The following DDX10 variants were observed in gnomAD, a reference collection of about 807,000 sequenced individuals.
The protein encoded by DDX10 is DEAD-box helicase 10, also known as probable ATP-dependent RNA helicase DDX10.
DDX10 carries 74 observed loss-of-function variants against 104.3 expected under a neutral mutation model. That is an observed-to-expected ratio of 0.71 (90% CI 0.59 to 0.86). The LOEUF (loss-of-function observed/expected upper bound fraction) is 0.86. DDX10 is among the 40% of genes least tolerant of loss of function. DDX10 has a pLI of 0.00. For synonymous variants in DDX10, 351 were observed against 353.4 expected (o/e 0.99, Z 0.08); for missense variants, 952 against 1,040.0 (o/e 0.92, Z 1.16).
chr11:108,758,765 C>G (rs1184746101), intron 13 of DDX10, among the ~76,000 whole-genome samples: 2 of 152,048 alleles, frequency 1.3e-5, no homozygotes, highest in African/African-American at 4.8e-5. Flanking sequence ...CTTTTGATTA[C>G]ATTGGACTCA....
intron 16 of DDX10, among the ~76,000 whole-genome samples, chr11:108,906,272 A>G (rs994713595): frequency 1.3e-5 from 2 of 152,084 alleles, no homozygotes; most frequent in Non-Finnish European, 2.9e-5. Flanking sequence ...AATATTTTAT[A>G]TTTTTCTAGT....
chr11:108,715,959 C>G lies in DDX10; in HGVS notation c.1403C>G (p.Ala468Gly). The change falls in exon 11 of 18, where the codon GCT becomes GGT. Residue 468 changes from alanine to glycine, a missense_variant. Physicochemically the swap from Ala to Gly is moderately conservative, Grantham distance 60. Around this residue, in one of 3 missense-constraint regions of DDX10, gnomAD observed 533 missense variants for 534.1 expected, o/e 1.00. Transcript: ENST00000322536. Reference sequence around the variant, plus strand: ...CAAGATCAAGATTTAAAAGAAAGAGCTCAAAGGGTAAGTCATTTTTCAGTT... The same window carrying G: ...CAAGATCAAGATTTAAAAGAAAGAGGTCAAAGGGTAAGTCATTTTTCAGTT... Reference protein sequence around the residue: ...LAQDQDLKERAQRCFVSYVRS... With the variant: ...LAQDQDLKERGQRCFVSYVRS... 1.3e-6 allele frequency: 2 copies of G among 1,531,812 alleles called. No individual in the cohort carries two copies. The highest frequency in any genetic ancestry group is 1.8e-6 in the Non-Finnish European group (2 of 1,110,138). The allele number at this position is 1,531,812 out of a possible 1,614,324, so 94.9% of individuals were successfully genotyped here.
At chr11:108,731,241 G>A (rs1362181629) in intron 13 of DDX10, among the ~76,000 whole-genome samples, 5 of 151,716 alleles carry the variant, frequency 3.3e-5, no homozygotes, top group Non-Finnish European at 5.9e-5. Context: ...AGTAGAGACG[G>A]GGTTTCACCA....
chr11:108,828,240 TC>T (rs1199046193), intron 13 of DDX10, among the ~76,000 whole-genome samples: 1 of 152,168 alleles, frequency 6.6e-6, no homozygotes, highest in Non-Finnish European at 1.5e-5. Context: ...CTTCTGAGAT[TC>T]TGGTGTACCC....
chr11:108,722,781 A>G (rs1374950294), intron 12 of DDX10, among the ~76,000 whole-genome samples: 1 of 152,210 alleles, frequency 6.6e-6, no homozygotes, highest in African/African-American at 2.4e-5. Context: ...ACCCTCTTAA[A>G]GAAAAAATAG....
At chr11:108,903,325 C>A (rs1040772879) in intron 16 of DDX10, among the ~76,000 whole-genome samples, 3 of 152,216 alleles carry the variant, frequency 2.0e-5, no homozygotes, top group Non-Finnish European at 2.9e-5. Flanking sequence ...TGGTCCTTTG[C>A]GATGGGCTTC....
Position 108,675,759 on chromosome 11 carries a change from T to A in DDX10, c.378+33T>A, listed in dbSNP as rs780156353. On this transcript the variant is annotated intron_variant, in intron 3 of 17. Coordinates refer to ENST00000322536, the MANE Select transcript of DDX10 (RefSeq NM_004398.4). Reference sequence around the variant, plus strand: ...CATTGTCATTGGGTCAGACTGTCTGTTATACAATTTTATAACATTCTGTGC... The same window carrying A: ...CATTGTCATTGGGTCAGACTGTCTGATATACAATTTTATAACATTCTGTGC... The A allele has an allele frequency of 5.0e-6, 8 of 1,607,348 alleles. No individual in the cohort carries two copies. The Admixed American group carries it at 1.4e-4, about 27-fold the overall frequency.
At chr11:108,711,347 T>G (rs1306185809) in intron 10 of DDX10, among the ~76,000 whole-genome samples, 1 of 152,238 alleles carries the variant, frequency 6.6e-6, no homozygotes, top group South Asian at 2.1e-4. Context: ...TTCTATGTTA[T>G]GTTATGACAG....
chr11:108,889,783 A>G (rs751025344), intron 16 of DDX10, among the ~76,000 whole-genome samples: 1 of 152,228 alleles, frequency 6.6e-6, no homozygotes, highest in Non-Finnish European at 1.5e-5. Context: ...AGAATGAAAA[A>G]CAAGCATGAG....
At chr11:108,681,277 A>G (rs974358820) in intron 6 of DDX10, among the ~76,000 whole-genome samples, 1 of 152,196 alleles carries the variant, frequency 6.6e-6, no homozygotes, top group Non-Finnish European at 1.5e-5. Context: ...AGACTTTGAT[A>G]TTATTTCACA....
At chr11:108,777,006 G>C (rs2094370824) in intron 13 of DDX10, among the ~76,000 whole-genome samples, 1 of 152,208 alleles carries the variant, frequency 6.6e-6, no homozygotes, top group Admixed American at 6.5e-5. Context: ...TGCTGTGCCA[G>C]CTTTCTGACT....
intron 13 of DDX10, among the ~76,000 whole-genome samples, chr11:108,799,304 C>T (rs1230363662): frequency 6.6e-6 from 1 of 152,210 alleles, no homozygotes; most frequent in Non-Finnish European, 1.5e-5. Context: ...CACTCACTTT[C>T]ACCCCTCCCT....
At chr11:108,802,181 G>A (rs1733561051) in intron 13 of DDX10, among the ~76,000 whole-genome samples, 2 of 151,960 alleles carry the variant, frequency 1.3e-5, no homozygotes, top group African/African-American at 4.8e-5. Flanking sequence ...AGTGCTTTGG[G>A]TTTTGGATTT....
At chr11:108,791,603 C>T (rs1008692434) in intron 13 of DDX10, among the ~76,000 whole-genome samples, 1 of 151,926 alleles carries the variant, frequency 6.6e-6, no homozygotes, top group Non-Finnish European at 1.5e-5. Flanking sequence ...TCTTGTATAC[C>T]TTCCAATTTA....
At chr11:108,755,216 A>G (rs2094343090) in intron 13 of DDX10, among the ~76,000 whole-genome samples, 1 of 152,024 alleles carries the variant, frequency 6.6e-6, no homozygotes, top group African/African-American at 2.4e-5. Context: ...CACTAAAGCA[A>G]TGCATTCTGA....
At chr11:108,878,096 A>G (rs1269609877) in intron 16 of DDX10, among the ~76,000 whole-genome samples, 1 of 152,244 alleles carries the variant, frequency 6.6e-6, no homozygotes, top group African/African-American at 2.4e-5. Flanking sequence ...ATGACAAAAT[A>G]CCAAATTTGA....
At chr11:108,681,819 T>C (rs917258243) in intron 6 of DDX10, among the ~76,000 whole-genome samples, 3 of 152,212 alleles carry the variant, frequency 2.0e-5, no homozygotes, top group Non-Finnish European at 4.4e-5. Flanking sequence ...ATTTGAGATA[T>C]GTCATGAGCT....
At chr11:108,834,028 T>C (rs1862512133) in intron 13 of DDX10, among the ~76,000 whole-genome samples, 1 of 152,114 alleles carries the variant, frequency 6.6e-6, no homozygotes, top group Non-Finnish European at 1.5e-5. Context: ...TGATCACAGC[T>C]CACTGTAGTC....
chr11:108,825,368 C>T (rs893082906), intron 13 of DDX10, among the ~76,000 whole-genome samples: 5 of 152,042 alleles, frequency 3.3e-5, no homozygotes, highest in Non-Finnish European at 7.4e-5. Context: ...TACGCATGCT[C>T]GGGAAGTTAA....
Sources: allele counts gnomAD v4.1 joint callset (sites outside exome capture counted in the v4.1 genomes callset), GRCh38; gene constraint gnomAD v4.1.1; regional missense constraint gnomAD v4.1.1; transcripts MANE v1.5; gene names NCBI Gene and HGNC (gene_info 2026-07-23, HGNC 2026-07-21).